ZNF888: variants seen among roughly 807,000 people sequenced by gnomAD.
ZNF888 encodes the protein zinc finger protein 888.
Under a neutral mutation model 7.2 loss-of-function variants are expected in ZNF888, and 5 were observed. The ratio of observed to expected loss-of-function variants is 0.70; its 90% CI spans 0.36 to 1.46. The LOEUF (loss-of-function observed/expected upper bound fraction) is 1.46, where lower values mean the gene tolerates loss of function less well. Among genes scored for constraint, ZNF888 ranks in the 40% most tolerant of loss-of-function variants. The pLI is 0.03. For synonymous variants in ZNF888, 240 were observed against 284.3 expected (o/e 0.84, Z 1.57); for missense variants, 716 against 858.0 (o/e 0.83, Z 2.07).
Position 52,908,778 on chromosome 19 carries a change from A to G in ZNF888, c.143-599T>C, listed in dbSNP as rs1265098161. ...CAAGAATCACTTTAAGCCAAGAGGC[A>G]AAGGTTGCAGTGAGCCAACATCGCA... is the stretch of plus-strand genomic sequence containing the variant. On this transcript the variant is annotated intron_variant, in intron 4 of 4. Coordinates refer to ENST00000638862, the MANE Select transcript of ZNF888 (RefSeq NM_001393938.1). Among the ~76,000 whole-genome samples the G allele has an allele frequency of 9.5e-4, 144 of 150,904 alleles. 1 individual carries two copies. Among genetic ancestry groups the G allele is most frequent in the Non-Finnish European group, 5.0e-4 (34 of 67,770 alleles).
At chr19:52,923,080 T>C (rs1341346010) in intron 1 of ZNF888, among the ~76,000 whole-genome samples, 1 of 151,952 alleles carries the variant, frequency 6.6e-6, no homozygotes, top group African/African-American at 2.4e-5. Context: ...GGTGAGGACT[T>C]TAAAAAGCGC....
intron 3 of ZNF888, chr19:52,917,214 CTT>C (rs2064762066): frequency 6.4e-6 from 1 of 155,900 alleles, no homozygotes. Context: ...GAGTTTTGCT[CTT>C]GTTACCTGGG....
chr19:52,914,261 C>T (rs2064718483), intron 4 of ZNF888: 1 of 721,866 alleles, frequency 1.4e-6, no homozygotes, highest in African/African-American at 1.9e-5. Context: ...GAAGGTGGAG[C>T]TTCCACTCTG....
intron 1 of ZNF888, 24 bp from the exon 2 acceptor site, chr19:52,918,961 TCCCTCTCCCTCCCCCTC>T (rs2064782005): frequency 1.5e-4 from 1 of 6,706 alleles, no homozygotes; most frequent in Non-Finnish European, 2.5e-4. Context: ...AAAAAAAATC[TCCCTCTCCCTCCCCCTC>T]CCTCTCCCTC....
intron 1 of ZNF888, among the ~76,000 whole-genome samples, chr19:52,922,502 CT>C (rs1367039115): frequency 6.6e-6 from 1 of 152,148 alleles, no homozygotes; most frequent in Non-Finnish European, 1.5e-5. Context: ...TGTCCTTCAT[CT>C]CTCTGTACAT....
intron 1 of ZNF888, 34 bp downstream of exon 1, chr19:52,923,335 G>T: frequency 1.0e-6 from 1 of 985,806 alleles, no homozygotes; most frequent in Non-Finnish European, 1.2e-6. Context: ...GGACCTGGAG[G>T]CACAGCCTCA....
At chr19:52,915,381 A>G in intron 3 of ZNF888, 59 bp from the exon 4 acceptor site, 1 of 1,612,126 alleles carries the variant, frequency 6.2e-7, no homozygotes, top group Non-Finnish European at 8.5e-7. Flanking sequence ...TCTTTACAGA[A>G]AATGAGAAGA....
chr19:52,913,115 C>T (rs2064705417), intron 4 of ZNF888, among the ~76,000 whole-genome samples: 1 of 151,896 alleles, frequency 6.6e-6, no homozygotes, highest in Non-Finnish European at 1.5e-5. Flanking sequence ...CTCATAAACA[C>T]ATAAATTAAT....
At chr19:52,918,122 A>C (rs1368509278) in intron 2 of ZNF888, 191 bp from the exon 3 acceptor site, 83 of 1,390,800 alleles carry the variant, frequency 6.0e-5, no homozygotes, top group Non-Finnish European at 7.3e-5. Context: ...GGAGAAGCCC[A>C]CACACACGCT....
intron 1 of ZNF888, among the ~76,000 whole-genome samples, chr19:52,920,649 T>G (rs2064815716): frequency 1.5e-5 from 1 of 65,448 alleles, no homozygotes; most frequent in Non-Finnish European, 3.6e-5. Flanking sequence ...GAACATTTCC[T>G]TTCTATGGAT....
Position 52,906,057 on chromosome 19 carries a change from GAA to G in ZNF888, c.*106_*107del. On this transcript the variant is annotated 3_prime_UTR_variant, in exon 5 of 5. Coordinates refer to ENST00000638862, the MANE Select transcript of ZNF888 (RefSeq NM_001393938.1). Reference sequence around the variant, plus strand: ...GAACTACAGCGTATGAACGATGTCTGAAAAATTTGCCACATTTACTACACTTG... The same window carrying G: ...GAACTACAGCGTATGAACGATGTCTGAAATTTGCCACATTTACTACACTTG... The G allele has an allele frequency of 6.5e-7, 1 of 1,531,582 alleles. No individual in the cohort carries two copies. Among genetic ancestry groups the G allele is most frequent in the Non-Finnish European group, 9.0e-7 (1 of 1,107,160 alleles). The allele number at this position is 1,531,582 out of a possible 1,614,324, so 94.9% of individuals were successfully genotyped here. A position where few individuals can be genotyped will look rare whatever the true frequency, so the allele number is the denominator to read the frequency against.
chr19:52,917,829 CA>C (rs2064769259), intron 3 of ZNF888, 29 bp downstream of exon 3: 1 of 1,613,274 alleles, frequency 6.2e-7, no homozygotes, highest in Non-Finnish European at 8.5e-7. Context: ...AGGAAGGAGA[CA>C]GAACAATCCA....
rs1293286053 is a variant in ZNF888 at position 52,906,754 on chromosome 19, T to C, written c.1568A>G (p.Lys523Arg). The C allele has an allele frequency of 1.2e-6, 2 of 1,613,302 alleles. No individual in the cohort carries two copies. Among genetic ancestry groups the C allele is most frequent in the Non-Finnish European group, 1.7e-6 (2 of 1,179,402 alleles). The change falls in exon 5 of 5, where the codon AAG becomes AGG. Residue 523 changes from lysine (K) to arginine (R), a missense_variant. By Grantham distance (26) the Lys-to-Arg change is conservative. Transcript: ENST00000638862. ...GAAGGTCTTGCCACACTCATTACAC[T>C]TGTAAGGTTTCTCTCCAGTGTGAAT... ...TVIHTGEKPY[K>R]CNECGKTFVQ...
At chr19:52,922,260 C>A (rs984338444) in intron 1 of ZNF888, among the ~76,000 whole-genome samples, 2 of 18,998 alleles carry the variant, frequency 1.1e-4, no homozygotes, top group Admixed American at 4.5e-4. Flanking sequence ...TCCACCTCTT[C>A]TCCCATCTCT....
chr19:52,915,711 G>A (rs757393524), intron 3 of ZNF888, among the ~76,000 whole-genome samples: 6 of 152,126 alleles, frequency 3.9e-5, no homozygotes, highest in East Asian at 1.9e-4. Context: ...TCCTGACCTC[G>A]TGATCTGCCC....
At chr19:52,910,443 C>G (rs1006966190) in intron 4 of ZNF888, among the ~76,000 whole-genome samples, 1 of 152,138 alleles carries the variant, frequency 6.6e-6, no homozygotes, top group Non-Finnish European at 1.5e-5. Context: ...TGCACTCCAG[C>G]CTGGGTGAGA....
intron 4 of ZNF888, among the ~76,000 whole-genome samples, chr19:52,912,579 A>AAAG (rs1468283937): frequency 7.3e-5 from 11 of 151,142 alleles, no homozygotes; most frequent in Admixed American, 1.3e-4. Context: ...AAAAAAAAAA[A>AAAG]ATTAGCCCAG....
At chr19:52,917,029 A>G (rs1263315219) in intron 3 of ZNF888, among the ~76,000 whole-genome samples, 1 of 152,242 alleles carries the variant, frequency 6.6e-6, no homozygotes, top group Admixed American at 6.5e-5. Flanking sequence ...TTTTACCAAA[A>G]GCCTGTTTCA....
chr19:52,906,196 TGATG>T lies in ZNF888; in HGVS notation c.2122_2125del (p.His708ArgfsTer6). ...AAGTTTCCCTACACCATGGATTGCC[TGATG>T]GTGAATAAGTGTTGACTGTGCACGA... On this transcript the variant is annotated frameshift_variant, in exon 5 of 5. Transcript: ENST00000638862. LOFTEE classifies it low-confidence loss of function (END_TRUNC). 6.2e-7 allele frequency: 1 copy of T among 1,611,120 alleles called. No individual in the cohort carries two copies. The highest frequency in any genetic ancestry group is 8.5e-7 in the Non-Finnish European group (1 of 1,178,280).
Sources: gnomAD v4.1 joint callset for allele counts (sites outside exome capture counted in the v4.1 genomes callset) on GRCh38, gnomAD v4.1.1 for gene constraint, MANE v1.5 for transcripts, NCBI Gene and HGNC (gene_info 2026-07-23, HGNC 2026-07-21) for gene names.